GRIN2B: variants seen among roughly 807,000 people sequenced by gnomAD.
The protein encoded by GRIN2B is glutamate receptor ionotropic, NMDA 2B.
GRIN2B carries 5 observed loss-of-function variants against 114.5 expected under a neutral mutation model. The observed-to-expected ratio is 0.04, with a 90% CI of 0.02 to 0.09. GRIN2B has a LOEUF of 0.09. Ranked by LOEUF, GRIN2B falls within the 10% of genes least tolerant of loss-of-function variation. The probability of loss-of-function intolerance (pLI) is 1.00; values close to 1 mark genes in which losing one functional copy is unlikely to be tolerated. For missense variants in GRIN2B, 1,108 were observed against 1,943.5 expected (o/e 0.57, Z 8.08); for synonymous variants, 787 against 745.1 (o/e 1.06, Z -0.92).
At chr12:13,916,954 A>G (rs899691918) in intron 2 of GRIN2B, among the ~76,000 whole-genome samples, 2 of 152,126 alleles carry the variant, frequency 1.3e-5, no homozygotes, top group Non-Finnish European at 2.9e-5. Context: ...GTTGCAACTT[A>G]AAGAACAAAT....
At chr12:13,936,355 G>A (rs903754579) in intron 2 of GRIN2B, among the ~76,000 whole-genome samples, 3 of 152,134 alleles carry the variant, frequency 2.0e-5, no homozygotes, top group African/African-American at 7.2e-5. Context: ...ATGCCCCTCT[G>A]TAGGAGTAAG....
At chr12:13,566,882 C>G in intron 13 of GRIN2B, 143 bp downstream of exon 13, 1 of 702,694 alleles carries the variant, frequency 1.4e-6, no homozygotes, top group East Asian at 2.5e-5. Flanking sequence ...ATCACACAAA[C>G]TCCTAAGAAA....
Position 13,752,526 on chromosome 12 carries a change from T to C in GRIN2B, c.1010+791A>G, listed in dbSNP as rs1311437554. 2.0e-5 allele frequency among the ~76,000 whole-genome samples: 3 copies of C among 152,234 alleles called. No homozygotes were observed. In the East Asian group the frequency reaches 5.8e-4, roughly 29 times the overall value. On this transcript the variant is annotated intron_variant, in intron 4 of 13. Coordinates refer to ENST00000609686, the MANE Select transcript of GRIN2B (RefSeq NM_000834.5). Reference sequence around the variant, plus strand: ...TTCTATTTAGTTTGAATTTTTATAATGTACTTACATAGAAGTTTTATACAA... The same window carrying C: ...TTCTATTTAGTTTGAATTTTTATAACGTACTTACATAGAAGTTTTATACAA...
intron 3 of GRIN2B, among the ~76,000 whole-genome samples, chr12:13,844,148 A>G (rs1253975190): frequency 6.6e-6 from 1 of 152,236 alleles, no homozygotes; most frequent in East Asian, 1.9e-4. Context: ...AGGCTTTAAT[A>G]GTGGCTCTTT....
At position 13,656,744 on chromosome 12, in the gene GRIN2B, G is replaced by A. The variant is rs576842474; in HGVS notation, c.1125+19001C>T. On this transcript the variant is annotated intron_variant, in intron 5 of 13. Coordinates refer to ENST00000609686, the MANE Select transcript of GRIN2B (RefSeq NM_000834.5). ...AAAATAAGCTATTCTTATAACTAATGAATAAATAGATGTCACTAAAAATAC... is the reference window on the plus strand; with the variant it reads ...AAAATAAGCTATTCTTATAACTAATAAATAAATAGATGTCACTAAAAATAC... Among the ~76,000 whole-genome samples, 4 of 152,258 alleles carry A rather than the reference G, an allele frequency of 2.6e-5. No homozygotes were observed. The East Asian group carries it at 7.7e-4, about 29-fold the overall frequency.
chr12:13,827,785 G>A (rs1865073345), intron 3 of GRIN2B, among the ~76,000 whole-genome samples: 1 of 152,012 alleles, frequency 6.6e-6, no homozygotes, highest in Non-Finnish European at 1.5e-5. Context: ...GGGTTCAAGC[G>A]ATTCTCCTGC....
chr12:13,614,336 G>T (rs570938267), intron 8 of GRIN2B, among the ~76,000 whole-genome samples: 19 of 152,154 alleles, frequency 1.2e-4, no homozygotes, highest in African/African-American at 4.6e-4. Context: ...TCGTCCAGGG[G>T]CTTACAGCTT....
intron 4 of GRIN2B, among the ~76,000 whole-genome samples, chr12:13,693,870 C>A (rs566583727): frequency 6.6e-6 from 1 of 152,188 alleles, no homozygotes; most frequent in Non-Finnish European, 1.5e-5. Context: ...CTTATGAGAC[C>A]AGAAAAGTGT....
In GRIN2B at chr12:13,563,339, C is replaced by T. The variant is rs757478003; in HGVS notation, c.3899G>A (p.Arg1300Gln). Reference protein sequence around the residue: ...AQKKNRNKLRRQHSYDTFVDL... With the variant: ...AQKKNRNKLRQQHSYDTFVDL... ...CACGAAGGTGTCGTAGGAGTGCTGC[C>T]GGCGCAGTTTGTTCCGGTTCTTCTT... is the stretch of plus-strand genomic sequence containing the variant. Residue 1300 changes from arginine (R) to glutamine (Q), a missense_variant, in exon 14 of 14, where the codon CGG (arginine) becomes CAG (glutamine). By Grantham distance (43) the Arg-to-Gln change is conservative. This residue lies in a region of GRIN2B where 478 missense variants were observed against 506.0 expected (regional missense o/e 0.94). Coordinates refer to ENST00000609686, the MANE Select transcript of GRIN2B (RefSeq NM_000834.5). 5 of 1,614,042 alleles carry T rather than the reference C, an allele frequency of 3.1e-6. No individual in the cohort carries two copies. The Admixed American group carries it at 6.7e-5, about 22-fold the overall frequency.
intron 3 of GRIN2B, among the ~76,000 whole-genome samples, chr12:13,762,577 A>G (rs1863698701): frequency 6.6e-6 from 1 of 152,228 alleles, no homozygotes; most frequent in African/African-American, 2.4e-5. Flanking sequence ...GGAGCAGAGA[A>G]GCGGAAGGGT....
At position 13,825,364 on chromosome 12, in the gene GRIN2B, A is replaced by G. The variant is rs150947680; in HGVS notation, c.411+40434T>C. Among the ~76,000 whole-genome samples the G allele has an allele frequency of 3.4e-4, 51 of 151,474 alleles. No homozygotes were observed. The East Asian group carries it at 8.9e-3, about 26-fold the overall frequency. ...TAGAATATTTTCTACCTTGGTAAAT[A>G]TAACATATAAACTAGAAAAGAATGT... On this transcript the variant is annotated intron_variant, in intron 3 of 13. Transcript: ENST00000609686.
chr12:13,668,621 C>T (rs1949997672), intron 5 of GRIN2B, among the ~76,000 whole-genome samples: 2 of 151,994 alleles, frequency 1.3e-5, no homozygotes, highest in African/African-American at 4.8e-5. Context: ...AAAAACACAA[C>T]AAAATATGTA....
intron 3 of GRIN2B, among the ~76,000 whole-genome samples, chr12:13,760,041 G>A (rs1863649861): frequency 6.6e-6 from 1 of 152,158 alleles, no homozygotes; most frequent in Non-Finnish European, 1.5e-5. Context: ...TCCCAACAAA[G>A]TGCTCTCAAT....
chr12:13,766,188 G>A (rs1863783146), intron 3 of GRIN2B, among the ~76,000 whole-genome samples: 1 of 152,178 alleles, frequency 6.6e-6, no homozygotes, highest in Non-Finnish European at 1.5e-5. Context: ...GCTGTAGGAA[G>A]TAGAAATGAA....
chr12:13,846,780 T>C (rs1865479690), intron 3 of GRIN2B, among the ~76,000 whole-genome samples: 1 of 151,800 alleles, frequency 6.6e-6, no homozygotes, highest in South Asian at 2.1e-4. Flanking sequence ...AATGAGAAAG[T>C]TGGAGAGTGA....
At chr12:13,576,806 G>T (rs777898180) in intron 10 of GRIN2B, among the ~76,000 whole-genome samples, 14 of 152,178 alleles carry the variant, frequency 9.2e-5, no homozygotes, top group Non-Finnish European at 1.5e-4. Context: ...GCTCTGCTCG[G>T]CCTCCCAAGG....
At chr12:13,946,983 G>A (rs76337902) in intron 2 of GRIN2B, among the ~76,000 whole-genome samples, 2,706 of 152,262 alleles carry the variant, frequency 0.018, 85 homozygotes, top group African/African-American at 0.062. Context: ...TGAGAGGTGT[G>A]ATTTTCTTTG....
At chr12:13,649,839 G>A (rs796156489) in intron 5 of GRIN2B, among the ~76,000 whole-genome samples, 1 of 152,150 alleles carries the variant, frequency 6.6e-6, no homozygotes, top group African/African-American at 2.4e-5. Flanking sequence ...AAAATAGAAG[G>A]ATGAAGATAC....
intron 3 of GRIN2B, among the ~76,000 whole-genome samples, chr12:13,847,013 T>C (rs1865483468): frequency 6.6e-6 from 1 of 152,122 alleles, no homozygotes; most frequent in Admixed American, 6.5e-5. Context: ...ATTTTCCTTA[T>C]TGCAAAGCTA....
Sources: allele counts gnomAD v4.1 joint callset (sites outside exome capture counted in the v4.1 genomes callset), GRCh38; gene constraint gnomAD v4.1.1; regional missense constraint gnomAD v4.1.1; transcripts MANE v1.5; gene names NCBI Gene and HGNC (gene_info 2026-07-23, HGNC 2026-07-21).